The following C17orf99 variants were observed in gnomAD, a reference collection of about 807,000 sequenced individuals.
The protein encoded by C17orf99 is chromosome 17 open reading frame 99, also known as protein IL-40.
In C17orf99, 18 loss-of-function variants were observed where a neutral mutation model predicts 22.6. The ratio of observed to expected loss-of-function variants is 0.80; its 90% CI spans 0.55 to 1.18. The LOEUF (loss-of-function observed/expected upper bound fraction) is 1.18, where lower values mean the gene tolerates loss of function less well. Ranked by LOEUF, C17orf99 falls within the 50% of genes most tolerant of loss-of-function variation. The pLI, the probability that C17orf99 is intolerant of heterozygous loss-of-function variation, is 0.00. For synonymous variants in C17orf99, 147 were observed against 136.6 expected (o/e 1.08, Z -0.53); for missense variants, 328 against 342.7 (o/e 0.96, Z 0.34).
rs1023960878 is a variant in C17orf99 at position 78,146,734 on chromosome 17, G to GTGA, written c.38-142_38-140dup. On this transcript the variant is annotated intron_variant, in intron 1 of 4. Transcript: ENST00000340363. This position sits in a 1 kb window ranked among gnomAD's most constrained non-coding sequence, Gnocchi z 5.2. ...GAGGGGCGCAAAAGAGCTTTTGTGA[G>GTGA]TGATGGTGCCAGCTGAGTCCTGGGG... The GTGA allele has an allele frequency of 1.3e-6, 1 of 785,206 alleles. No individual in the cohort carries two copies. Among genetic ancestry groups the GTGA allele is most frequent in the African/African-American group, 1.7e-5 (1 of 57,554 alleles). 48.6% of individuals were successfully genotyped at this position (785,206 alleles called of 1,614,324 possible). A position where few individuals can be genotyped will look rare whatever the true frequency, so the allele number is the denominator to read the frequency against.
intron 3 of C17orf99, among the ~76,000 whole-genome samples, chr17:78,162,694 C>T (rs2075587487): frequency 6.6e-6 from 1 of 152,162 alleles, no homozygotes; most frequent in Non-Finnish European, 1.5e-5. Context: ...CCTGTATTCC[C>T]AGCATTTTGG....
chr17:78,165,932 C>A lies in C17orf99; in HGVS notation c.684C>A (p.Ser228Arg). The A allele has an allele frequency of 2.7e-6, 4 of 1,468,160 alleles. No homozygotes were observed. Among genetic ancestry groups the A allele is most frequent in the South Asian group, 1.4e-5 (1 of 70,394 alleles). The allele number at this position is 1,468,160 out of a possible 1,614,324, so 90.9% of individuals were successfully genotyped here. A position where few individuals can be genotyped will look rare whatever the true frequency, so the allele number is the denominator to read the frequency against. ...AGGACTGGCAGGGTCCCCTGGAGAG[C>A]CCCATCCTTGCCTTGCCGCTCTACA... is the stretch of plus-strand genomic sequence containing the variant. ...KMEDWQGPLE[S>R]PILALPLYRS... Residue 228 changes from serine (S) to arginine (R), a missense_variant, in exon 5 of 5, where the codon AGC becomes AGA. By Grantham distance (110) the Ser-to-Arg change is moderately radical. Transcript: ENST00000340363.
rs369271923 is a variant in C17orf99 at position 78,161,124 on chromosome 17, G to A, written c.240G>A (p.Pro80=). Residue 80 remains proline, a synonymous_variant, in exon 3 of 5, where the codon CCG becomes CCA. Coordinates refer to ENST00000340363, the MANE Select transcript of C17orf99 (RefSeq NM_001163075.2). ...AGAAGGTGGTGAAGACCCACGAGCC[G>A]GCCTCCTTCAACCTCAACGTCACAC... ...VAKKVVKTHE[P]ASFNLNVTLK... 52 of 1,551,814 alleles carry A rather than the reference G, an allele frequency of 3.4e-5. No homozygotes were observed. The highest frequency in any genetic ancestry group is 2.4e-4 in the Admixed American group (12 of 50,980).
intron 2 of C17orf99, among the ~76,000 whole-genome samples, chr17:78,155,748 T>C (rs1435059324): frequency 6.6e-6 from 1 of 152,092 alleles, no homozygotes; most frequent in Non-Finnish European, 1.5e-5. Context: ...GGCCTCAGTC[T>C]TCTGAGTAGC....
rs567127071 is a variant in C17orf99, at chr17:78,161,320, G to A, written c.370+66G>A. 656 of 1,385,512 alleles carry A rather than the reference G, an allele frequency of 4.7e-4. 2 individuals are homozygous for A. The African/African-American group carries it at 8.6e-3, about 18-fold the overall frequency. 85.8% of individuals were successfully genotyped at this position (1,385,512 alleles called of 1,614,324 possible). A position where few individuals can be genotyped will look rare whatever the true frequency, so the allele number is the denominator to read the frequency against. On this transcript the variant is annotated intron_variant, in intron 3 of 4. Transcript: ENST00000340363. ...GGTGCAGATCAATGGGGAGCTCTGG[G>A]AGTGGGGATTGTGAACCTTGCTGGG...
chr17:78,160,147 TTTTC>T (rs1382767112), intron 2 of C17orf99: 6 of 455,366 alleles, frequency 1.3e-5, no homozygotes, highest in Admixed American at 4.7e-5. Flanking sequence ...TAAATCAGTA[TTTTC>T]TTTCTTTCTT....
chr17:78,157,897 C>T (rs117337726), intron 2 of C17orf99: 13,278 of 1,173,224 alleles, frequency 0.011, 132 homozygotes, highest in Non-Finnish European at 0.013. Context: ...CTGGCAAGCA[C>T]GGCCATGCCA....
In C17orf99 at chr17:78,157,798, GAAAAA is replaced by G. The variant is rs60891763; in HGVS notation, c.71-3135_71-3131del. ...GGCGACAGAGCGTGACTCTGTCTCGGAAAAAAAAAAAAAAAAAAAAAAAAAAGAAT... is the reference window on the plus strand; with the variant it reads ...GGCGACAGAGCGTGACTCTGTCTCGGAAAAAAAAAAAAAAAAAAAAAGAAT... On this transcript the variant is annotated intron_variant, in intron 2 of 4. Coordinates refer to ENST00000340363, the MANE Select transcript of C17orf99 (RefSeq NM_001163075.2). 1,999 of 380,110 alleles carry G rather than the reference GAAAAA, an allele frequency of 5.3e-3. 2 individuals carry two copies. Among genetic ancestry groups the G allele is most frequent in the East Asian group, 9.4e-3 (135 of 14,404 alleles). 23.5% of individuals were successfully genotyped at this position (380,110 alleles called of 1,614,324 possible).
chr17:78,155,915 A>G (rs2075521488), intron 2 of C17orf99, among the ~76,000 whole-genome samples: 2 of 151,510 alleles, frequency 1.3e-5, no homozygotes, highest in African/African-American at 4.8e-5. Context: ...GTGAGCCACC[A>G]TGCCCGGCCT....
At chr17:78,160,408 C>A (rs540128614) in intron 2 of C17orf99, among the ~76,000 whole-genome samples, 2 of 151,842 alleles carry the variant, frequency 1.3e-5, no homozygotes, top group African/African-American at 4.8e-5. Context: ...TGGTGGCACG[C>A]GCCTGCAGTC....
In C17orf99 at chr17:78,166,132, G is replaced by T; in HGVS notation, c.*86G>T. The T allele has an allele frequency of 1.8e-5, 5 of 284,230 alleles. No individual in the cohort carries two copies. The highest frequency in any genetic ancestry group is 6.2e-5 in the Admixed American group (1 of 16,058). The allele number at this position is 284,230 out of a possible 1,614,324, so 17.6% of individuals were successfully genotyped here. On this transcript the variant is annotated 3_prime_UTR_variant, in exon 5 of 5. Transcript: ENST00000340363. Reference sequence around the variant, plus strand: ...CGTATTTGGAGTTCATGCAAAATGAGTGTGTTTTAGCTGCTCTTGCCACAA... The same window carrying T: ...CGTATTTGGAGTTCATGCAAAATGATTGTGTTTTAGCTGCTCTTGCCACAA...
chr17:78,151,276 T>A (rs1405143144), intron 2 of C17orf99, among the ~76,000 whole-genome samples: 1 of 150,508 alleles, frequency 6.6e-6, no homozygotes, highest in Non-Finnish European at 1.5e-5. Flanking sequence ...AATGCAACAA[T>A]CAGCCAGGTA....
chr17:78,147,226 G>C (rs1464974656), intron 2 of C17orf99, among the ~76,000 whole-genome samples: 1 of 152,214 alleles, frequency 6.6e-6, no homozygotes, highest in African/African-American at 2.4e-5. Context: ...CTCTGCCCCA[G>C]GTCCCTGATC....
intron 2 of C17orf99, among the ~76,000 whole-genome samples, chr17:78,148,547 A>G (rs186201073): frequency 1.4e-4 from 22 of 152,208 alleles, no homozygotes; most frequent in Non-Finnish European, 1.2e-4. Context: ...GTTAGTTAGA[A>G]TGTTCTAGAG....
In C17orf99 at chr17:78,146,542, A is replaced by G; in HGVS notation, c.37+98A>G. The stretch of plus-strand genomic sequence containing the variant: ...GGGAGCACAGGAGAGATGAGGCCTG[A>G]AGGAAGGGCACCTCTGGAAACATGG... On this transcript the variant is annotated intron_variant, in intron 1 of 4. Coordinates refer to ENST00000340363, the MANE Select transcript of C17orf99 (RefSeq NM_001163075.2). This position sits in a 1 kb window ranked among gnomAD's most constrained non-coding sequence, Gnocchi z 5.2. The G allele has an allele frequency of 9.2e-7, 1 of 1,082,590 alleles. No homozygotes were observed. The highest frequency in any genetic ancestry group is 1.4e-6 in the Non-Finnish European group (1 of 731,878). The allele number at this position is 1,082,590 out of a possible 1,614,324, so 67.1% of individuals were successfully genotyped here.
intron 2 of C17orf99, among the ~76,000 whole-genome samples, chr17:78,155,225 T>C (rs1363434754): frequency 1.3e-5 from 2 of 151,626 alleles, no homozygotes; most frequent in Non-Finnish European, 2.9e-5. Flanking sequence ...GACCCAAAGT[T>C]CCCCTGGAGG....
rs1389691243 is a variant in C17orf99, at chr17:78,146,453, A to T, written c.37+9A>T. 6.5e-7 allele frequency: 1 copy of T among 1,549,692 alleles called. No homozygotes were observed. The highest frequency in any genetic ancestry group is 8.7e-7 in the Non-Finnish European group (1 of 1,146,700). On this transcript the variant is annotated intron_variant, in intron 1 of 4. Transcript: ENST00000340363. The surrounding 1 kb of genome is among the most constrained non-coding windows in gnomAD (Gnocchi z 5.2). ...CTGCTTGGCCGTGCTGGGTGAGTCC[A>T]CCAGGGACGTGATGGTGGGGCTGCT...
intron 3 of C17orf99, among the ~76,000 whole-genome samples, chr17:78,162,476 G>A (rs1015285060): frequency 5.3e-5 from 8 of 151,694 alleles, no homozygotes; most frequent in African/African-American, 1.7e-4. Flanking sequence ...ACAAGGAATC[G>A]CCCCATTCAT....
In C17orf99 at chr17:78,161,084, A is replaced by T; in HGVS notation, c.200A>T (p.Asn67Ile). 1 of 1,551,764 alleles carries T rather than the reference A, an allele frequency of 6.4e-7. No individual in the cohort carries two copies. Among genetic ancestry groups the T allele is most frequent in the Admixed American group, 2.0e-5 (1 of 50,994 alleles). Reference sequence around the variant, plus strand: ...ACCTATTCCCTCTGTGGAACCAAGAACATCAAGGTGGCCAAGAAGGTGGTG... The same window carrying T: ...ACCTATTCCCTCTGTGGAACCAAGATCATCAAGGTGGCCAAGAAGGTGGTG... ...PITYSLCGTKNIKVAKKVVKT... is the reference protein window; with the variant it reads ...PITYSLCGTKIIKVAKKVVKT... The change falls in exon 3 of 5, where the codon AAC becomes ATC. Residue 67 changes from asparagine (N) to isoleucine (I), a missense_variant. Asn to Ile is a moderately radical substitution (Grantham distance 149). Coordinates refer to ENST00000340363, the MANE Select transcript of C17orf99 (RefSeq NM_001163075.2).
Sources: allele counts gnomAD v4.1 joint callset (sites outside exome capture counted in the v4.1 genomes callset), GRCh38; gene constraint gnomAD v4.1.1; non-coding constraint Gnocchi (gnomAD v3.1); transcripts MANE v1.5; gene names NCBI Gene and HGNC (gene_info 2026-07-23, HGNC 2026-07-21).